Variants in NR4A3 observed in about 807,000 individuals in gnomAD.
The protein encoded by NR4A3 is nuclear receptor subfamily 4 group A member 3.
Under a neutral mutation model 55.6 loss-of-function variants are expected in NR4A3, and 13 were observed. The observed-to-expected ratio is 0.23, with a 90% CI of 0.15 to 0.37. NR4A3 has a LOEUF of 0.37. Ranked by LOEUF, NR4A3 falls within the 10% of genes least tolerant of loss-of-function variation. NR4A3 has a pLI of 1.00. For missense variants in NR4A3, 646 were observed against 822.8 expected (o/e 0.79, Z 2.63); for synonymous variants, 342 against 357.9 (o/e 0.96, Z 0.50).
intron 7 of NR4A3, among the ~76,000 whole-genome samples, chr9:99,849,759 A>T (rs1827817486): frequency 6.6e-6 from 1 of 152,216 alleles, no homozygotes; most frequent in Non-Finnish European, 1.5e-5. Flanking sequence ...TAATCAACAA[A>T]TATTCACTGA....
At chr9:99,824,588 C>G (rs543650149) in intron 1 of NR4A3, among the ~76,000 whole-genome samples, 2 of 152,352 alleles carry the variant, frequency 1.3e-5, no homozygotes, top group South Asian at 2.1e-4. Flanking sequence ...GTCCCTTTCT[C>G]TCTTCCTGCA....
In NR4A3 at chr9:99,833,296, A is replaced by G; in HGVS notation, c.1096A>G (p.Ser366Gly). 1 of 1,610,682 alleles carries G rather than the reference A, an allele frequency of 6.2e-7. No homozygotes were observed. The highest frequency in any genetic ancestry group is 8.5e-7 in the Non-Finnish European group (1 of 1,178,342). ...TTTGGCATCAGTTGTCCGTACAGAT[A>G]GTCTGAAAGGGAGGAGAGGTCGTCT... ...GMVKEVVRTD[S>G]LKGRRGRLPS... Residue 366 changes from serine to glycine, a missense_variant, in exon 5 of 8, where the codon AGT (serine) becomes GGT (glycine). Physicochemically the swap from Ser to Gly is moderately conservative, Grantham distance 56. This residue lies in a region of NR4A3 where 44 missense variants were observed against 119.3 expected (regional missense o/e 0.37). Transcript: ENST00000395097.
chr9:99,828,467 C>A lies in NR4A3; in HGVS notation c.425C>A (p.Thr142Asn). Residue 142 changes from threonine to asparagine, a missense_variant, in exon 3 of 8, where the codon ACC becomes AAC. Transcript: ENST00000395097. The surrounding 1 kb of genome is among the most constrained non-coding windows in gnomAD (Gnocchi z 7.7). ...SMYFKQSPPS[T>N]PTTPAFPPQA... ...TACTTCAAGCAGTCCCCACCGTCCA[C>A]CCCCACCACGCCGGCCTTCCCCCCG... is the stretch of plus-strand genomic sequence containing the variant. The A allele has an allele frequency of 1.3e-6, 2 of 1,576,744 alleles. No homozygotes were observed. Among genetic ancestry groups the A allele is most frequent in the Non-Finnish European group, 1.7e-6 (2 of 1,162,776 alleles).
At chr9:99,839,121 T>C (rs970815396) in intron 5 of NR4A3, among the ~76,000 whole-genome samples, 1 of 152,230 alleles carries the variant, frequency 6.6e-6, no homozygotes, top group Non-Finnish European at 1.5e-5. Flanking sequence ...TGCAGTGATG[T>C]CATTGGTGGG....
chr9:99,832,609 T>C (rs1411588052), intron 3 of NR4A3, 80 bp from the exon 4 acceptor site: 1 of 1,202,130 alleles, frequency 8.3e-7, no homozygotes, highest in East Asian at 2.6e-5. Context: ...GCTTTTCACA[T>C]TGTAATTAAA....
At chr9:99,827,894 G>A in intron 2 of NR4A3, 147 bp from the exon 3 acceptor site, 1 of 1,027,104 alleles carries the variant, frequency 9.7e-7, no homozygotes, top group Middle Eastern at 2.4e-4. Context: ...ATAAGTGTGG[G>A]GCTTTGTGTC....
intron 7 of NR4A3, among the ~76,000 whole-genome samples, chr9:99,857,604 G>A (rs1464507360): frequency 2.0e-5 from 3 of 152,020 alleles, no homozygotes; most frequent in Non-Finnish European, 4.4e-5. Context: ...GGCCAACATG[G>A]TGAAACCCCT....
At chr9:99,862,645 T>C (rs1828029580) in intron 7 of NR4A3, among the ~76,000 whole-genome samples, 1 of 150,298 alleles carries the variant, frequency 6.7e-6, no homozygotes, top group Admixed American at 6.7e-5. Flanking sequence ...TTGTTGTGGA[T>C]GTCAGGCTCC....
In NR4A3 at chr9:99,853,478, C is replaced by A. The variant is rs1341972448; in HGVS notation, c.1633+5863C>A. On this transcript the variant is annotated intron_variant, in intron 7 of 7. Coordinates refer to ENST00000395097, the MANE Select transcript of NR4A3 (RefSeq NM_006981.4). ...TATCTCCCAATGCTATCCCTCCCCC[C>A]TCCCCCGACCCCACCACAGTCCCCA... Among the ~76,000 whole-genome samples, 419 of 99,350 alleles carry A rather than the reference C, an allele frequency of 4.2e-3. 2 individuals are homozygous for A. Among genetic ancestry groups the A allele is most frequent in the African/African-American group, 0.015 (370 of 25,512 alleles). 65.2% of individuals were successfully genotyped at this position (99,350 alleles called of 152,430 possible). A position where few individuals can be genotyped will look rare whatever the true frequency, so the allele number is the denominator to read the frequency against.
chr9:99,850,590 G>A (rs1231701538), intron 7 of NR4A3, among the ~76,000 whole-genome samples: 2 of 152,220 alleles, frequency 1.3e-5, no homozygotes, highest in African/African-American at 4.8e-5. Flanking sequence ...TGGGGGAGGA[G>A]GCAGTTTGGC....
chr9:99,863,810 C>T lies in NR4A3; in HGVS notation c.1824C>T (p.Asp608=). The change falls in exon 8 of 8, where the codon GAC becomes GAT. Residue 608 remains aspartate, a synonymous_variant. Transcript: ENST00000395097. The stretch of plus-strand genomic sequence containing the variant: ...GCATCTTCTACCTGAAGCTGGAAGA[C>T]TTGGTGTCTCCACCTTCCATCATTG... ...LQRIFYLKLE[D]LVSPPSIIDK... 6.2e-7 allele frequency: 1 copy of T among 1,613,968 alleles called. No homozygotes were observed. Among genetic ancestry groups the T allele is most frequent in the Non-Finnish European group, 8.5e-7 (1 of 1,179,936 alleles).
intron 7 of NR4A3, among the ~76,000 whole-genome samples, chr9:99,860,006 C>T (rs1329331556): frequency 2.0e-5 from 3 of 152,096 alleles, no homozygotes; most frequent in South Asian, 2.1e-4. Context: ...TCACAAAGGA[C>T]GAAATCCATC....
intron 7 of NR4A3, among the ~76,000 whole-genome samples, chr9:99,847,939 C>G (rs1827785366): frequency 6.6e-6 from 1 of 152,216 alleles, no homozygotes; most frequent in Non-Finnish European, 1.5e-5. Context: ...GGGTCTTGCT[C>G]TGTCACACAG....
chr9:99,830,419 TAAAC>T (rs954672287), intron 3 of NR4A3, among the ~76,000 whole-genome samples: 44 of 152,356 alleles, frequency 2.9e-4, no homozygotes, highest in African/African-American at 1.1e-3. Context: ...AGTTCATTAT[TAAAC>T]AAAAGCTATA....
intron 5 of NR4A3, among the ~76,000 whole-genome samples, chr9:99,843,084 A>G (rs757172228): frequency 2.0e-5 from 3 of 152,186 alleles, no homozygotes; most frequent in Non-Finnish European, 2.9e-5. Flanking sequence ...TTGCAGCAGA[A>G]AAGTCTTTAC....
chr9:99,846,734 G>C (rs1191250363), intron 6 of NR4A3, among the ~76,000 whole-genome samples: 3 of 152,088 alleles, frequency 2.0e-5, no homozygotes, highest in African/African-American at 7.2e-5. Flanking sequence ...TGCAACCTCC[G>C]CCTCCCAGGT....
intron 6 of NR4A3, among the ~76,000 whole-genome samples, chr9:99,845,762 A>G (rs1053404427): frequency 6.6e-6 from 1 of 152,212 alleles, no homozygotes; most frequent in Non-Finnish European, 1.5e-5. Context: ...CATTTTTAAC[A>G]TATGCTTTAA....
intron 5 of NR4A3, chr9:99,833,982 T>A: frequency 8.8e-7 from 1 of 1,135,672 alleles, no homozygotes; most frequent in Non-Finnish European, 1.1e-6. Flanking sequence ...CTCTGCTACT[T>A]CCTGCCTGTG....
At chr9:99,823,340 C>T (rs1827219626) in intron 1 of NR4A3, among the ~76,000 whole-genome samples, 1 of 152,090 alleles carries the variant, frequency 6.6e-6, no homozygotes, top group Admixed American at 6.5e-5. Flanking sequence ...TTGGAAGCCT[C>T]GGGGCAGTGG....
Sources: gnomAD v4.1 joint callset for allele counts (sites outside exome capture counted in the v4.1 genomes callset) on GRCh38, gnomAD v4.1.1 for gene constraint, gnomAD v4.1.1 regional missense constraint, Gnocchi (gnomAD v3.1) non-coding constraint, MANE v1.5 for transcripts, NCBI Gene and HGNC (gene_info 2026-07-23, HGNC 2026-07-21) for gene names.